Variants in NBPF12 observed in about 807,000 individuals in gnomAD.
The protein encoded by NBPF12 is NBPF member 12.
A neutral mutation model predicts 146.4 loss-of-function variants in NBPF12; 115 were observed. That is an observed-to-expected ratio of 0.79 (90% CI 0.68 to 0.92). The LOEUF is 0.92. NBPF12 is among the 40% of genes least tolerant of loss of function. The pLI is 0.00. For missense variants in NBPF12, 1,205 were observed against 1,326.8 expected, an observed-to-expected ratio of 0.91 and a Z score of 1.43; for synonymous variants, 385 against 508.9, an observed-to-expected ratio of 0.76 and a Z score of 3.28.
At chr1:146,946,579 G>A (rs1655085664), upstream of NBPF12, among the ~76,000 whole-genome samples, 2 of 57,812 alleles carry the variant, frequency 3.5e-5, no homozygotes, top group South Asian at 1.4e-3. Context: ...CATATATTTT[G>A]GACAGCAGTT....
At chr1:146,954,921 GTATATA>G (rs1212777019) in intron 2 of NBPF12, among the ~76,000 whole-genome samples, 5 of 91,222 alleles carry the variant, frequency 5.5e-5, no homozygotes, top group East Asian at 2.9e-4. Flanking sequence ...GTGTGTGTGT[GTATATA>G]TATATATTCA....
intron 15 of NBPF12, among the ~76,000 whole-genome samples, chr1:146,975,109 A>T (rs1213882600): frequency 7.8e-6 from 1 of 128,556 alleles, no homozygotes; most frequent in South Asian, 2.4e-4. Context: ...TAACCAAAGG[A>T]GTGTGAACCA....
intron 5 of NBPF12, 140 bp downstream of exon 8, chr1:146,962,403 A>T (rs1433608829): frequency 2.8e-6 from 2 of 702,684 alleles, no homozygotes; most frequent in Non-Finnish European, 5.0e-6. Context: ...ACACACAAAT[A>T]TTTATCAGAG....
intron 2 of NBPF12, among the ~76,000 whole-genome samples, chr1:146,954,235 C>CA (rs1206659375): frequency 6.8e-5 from 10 of 147,050 alleles, no homozygotes; most frequent in Non-Finnish European, 1.2e-4. Flanking sequence ...ACTAAAAATA[C>CA]AAAAAATTAG....
At position 146,967,857 on chromosome 1, in the gene NBPF12, C is replaced by T. The variant is rs1257026341; in HGVS notation, c.989-591C>T. ...CTATTAGTTCTTCATTCTGTTGTTT[C>T]TAAATTAACAGAAACTTCATTAGCA... On this transcript the variant is annotated intron_variant, in intron 9 of 33. Transcript: ENST00000617844. Among the ~76,000 whole-genome samples the T allele has an allele frequency of 3.0e-4, 44 of 147,582 alleles. 3 individuals are homozygous for T. Among genetic ancestry groups the T allele is most frequent in the African/African-American group, 1.1e-3 (43 of 39,230 alleles).
In NBPF12 at chr1:146,974,110, G is replaced by A. The variant is rs1553886978; in HGVS notation, c.1802-629G>A. Among the ~76,000 whole-genome samples the A allele has an allele frequency of 5.6e-3, 844 of 150,340 alleles. 15 individuals are homozygous for A. Among genetic ancestry groups the A allele is most frequent in the Non-Finnish European group, 9.0e-3 (615 of 67,990 alleles). On this transcript the variant is annotated intron_variant, in intron 14 of 33. Coordinates refer to ENST00000617844, the Ensembl canonical transcript of NBPF12. ...ATCTCCTAGAACATTTATTGGCACA[G>A]AGTAAACACTATCTATTAGTTCTTC...
intron 19 of NBPF12, among the ~76,000 whole-genome samples, chr1:146,981,689 C>A (rs1294897232): frequency 1.3e-5 from 2 of 151,926 alleles, no homozygotes; most frequent in East Asian, 3.9e-4. Context: ...TTTCAGTACA[C>A]CAATCAAACG....
chr1:146,968,772 A>C (rs1163604261), intron 10 of NBPF12, among the ~76,000 whole-genome samples: 6 of 151,584 alleles, frequency 4.0e-5, no homozygotes, highest in Non-Finnish European at 7.4e-5. Context: ...TTTTCAAACA[A>C]GTAATTGTTG....
chr1:146,967,113 A>G (rs1253579106), intron 9 of NBPF12, among the ~76,000 whole-genome samples: 95 of 150,962 alleles, frequency 6.3e-4, no homozygotes, highest in Middle Eastern at 3.4e-3. Context: ...ACTCTGAGGG[A>G]AACTTGGTGA....
chr1:146,964,892 G>T lies in NBPF12; in HGVS notation c.567-1G>T, dbSNP rs1367218839. Reference sequence around the variant, plus strand: ...CATCTCTGTCCCACCTGGCTCATCAGGGAGGTGCAGAAGGCTGAAGAGAGC... The same window carrying T: ...CATCTCTGTCCCACCTGGCTCATCATGGAGGTGCAGAAGGCTGAAGAGAGC... On this transcript the variant is annotated splice_acceptor_variant, in intron 7 of 33. Transcript: ENST00000617844. LOFTEE classifies it high-confidence loss of function. 3.8e-6 allele frequency: 6 copies of T among 1,585,356 alleles called. No individual in the cohort carries two copies. The highest frequency in any genetic ancestry group is 5.2e-6 in the Non-Finnish European group (6 of 1,157,542).
intron 2 of NBPF12, 68 bp downstream of exon 5, chr1:146,951,557 T>C (rs1359665194): frequency 3.8e-6 from 2 of 523,896 alleles, no homozygotes; most frequent in Admixed American, 6.5e-5. Context: ...CAGAGATGTG[T>C]CCTTTATTTT....
exon 34 of NBPF12, chr1:146,994,990 C>A: frequency 3.8e-6 from 1 of 261,090 alleles, no homozygotes; most frequent in Non-Finnish European, 7.3e-6. Flanking sequence ...TTATTTGTGT[C>A]TTCAGTGTTG....
chr1:146,989,483 AC>A, intron 27 of NBPF12, 90 bp from the exon 31 acceptor site: 1 of 1,251,998 alleles, frequency 8.0e-7, no homozygotes, highest in Non-Finnish European at 1.2e-6. Context: ...TTCTTTTCTA[AC>A]CACTTCCTTA....
intron 15 of NBPF12, among the ~76,000 whole-genome samples, chr1:146,975,357 A>G (rs1341981909): frequency 6.9e-6 from 1 of 144,650 alleles, no homozygotes; most frequent in Admixed American, 6.9e-5. Flanking sequence ...GTATTTTCAC[A>G]TGGAAATGTC....
chr1:146,941,291 C>T (rs1320938057), intron 1 of NBPF12, among the ~76,000 whole-genome samples: 3 of 151,840 alleles, frequency 2.0e-5, no homozygotes, highest in Non-Finnish European at 4.4e-5. Flanking sequence ...TGCCATGTTG[C>T]ATAGCCCGAT....
exon 22 of NBPF12, chr1:146,984,949 G>GACGTATTGC (rs1657660934): frequency 6.5e-7 from 1 of 1,546,564 alleles, no homozygotes; most frequent in Admixed American, 1.7e-5. Flanking sequence ...TTACGTATTG[G>GACGTATTGC]AGCAACAGCG....
intron 12 of NBPF12, among the ~76,000 whole-genome samples, 162 bp downstream of exon 15, chr1:146,970,881 G>T (rs1204137319): frequency 6.6e-6 from 1 of 151,472 alleles, no homozygotes; most frequent in Non-Finnish European, 1.5e-5. Flanking sequence ...CAGCTGTCGT[G>T]TTTCTGTATG....
chr1:146,976,693 GC>G (rs1367721896), intron 16 of NBPF12, among the ~76,000 whole-genome samples: 6 of 151,772 alleles, frequency 4.0e-5, no homozygotes, highest in Non-Finnish European at 8.8e-5. Flanking sequence ...GATATGGGAA[GC>G]AAAAGATCTT....
exon 34 of NBPF12, chr1:146,994,411 A>G (rs782473495): frequency 1.7e-5 from 27 of 1,612,148 alleles, no homozygotes; most frequent in African/African-American, 9.4e-5. Context: ...GACTCCATCA[A>G]TGTACTTTGA....
Sources: allele counts gnomAD v4.1 joint callset (sites outside exome capture counted in the v4.1 genomes callset), GRCh38; gene constraint gnomAD v4.1.1; transcripts MANE v1.5; gene names NCBI Gene and HGNC (gene_info 2026-07-23, HGNC 2026-07-21).